The following HUWE1 variants were observed in gnomAD, a reference collection of about 807,000 sequenced individuals.
The protein encoded by HUWE1 is E3 ubiquitin-protein ligase HUWE1.
In HUWE1, 18 loss-of-function variants were observed where a neutral mutation model predicts 299.4. The ratio of observed to expected loss-of-function variants is 0.06; its 90% CI spans 0.04 to 0.09. The LOEUF (loss-of-function observed/expected upper bound fraction) is 0.09. Among genes scored for constraint, HUWE1 ranks in the 10% least tolerant of loss-of-function variants. HUWE1 has a pLI of 1.00. For missense variants in HUWE1, 1,832 were observed against 3,462.3 expected (o/e 0.53, Z 11.82); for synonymous variants, 1,317 against 1,286.1 (o/e 1.02, Z -0.51).
chrX:53,560,489 T>C, intron 55 of HUWE1, 73 bp from the exon 56 acceptor site: 1 of 933,180 alleles, frequency 1.1e-6, no homozygotes, highest in Non-Finnish European at 1.5e-6. Context: ...CAGAATCATG[T>C]CTCCTGGGCC....
At chrX:53,559,188 T>C (rs1450669189) in intron 57 of HUWE1, 128 bp from the exon 58 acceptor site, 2 of 748,309 alleles carry the variant, frequency 2.7e-6, no homozygotes, top group Non-Finnish European at 4.1e-6. Context: ...ACATAACAAG[T>C]ACCTAGAGAC....
chrX:53,599,384 AG>A (rs1556987985), intron 29 of HUWE1, among the ~76,000 whole-genome samples: 1 of 112,055 alleles, frequency 8.9e-6, no homozygotes, highest in Non-Finnish European at 1.9e-5. Flanking sequence ...GCTTTTACGA[AG>A]GGCCCCAGAT....
rs1033810306 is a variant in HUWE1, at chrX:53,548,607, T to C, written c.10036-334A>G. Among the ~76,000 whole-genome samples, 5 of 112,490 alleles carry C rather than the reference T, an allele frequency of 4.4e-5. No individual in the cohort carries two copies. The Admixed American group carries it at 4.7e-4, about 11-fold the overall frequency. On this transcript the variant is annotated intron_variant, in intron 67 of 83. Transcript: ENST00000262854. ...TGCCTGGCACAAGGCAGGCCTTTGATAGATGGCAGCAATGCTTATTATTGA... is the reference window on the plus strand; with the variant it reads ...TGCCTGGCACAAGGCAGGCCTTTGACAGATGGCAGCAATGCTTATTATTGA...
At chrX:53,544,948 A>C in intron 71 of HUWE1, 81 bp downstream of exon 71, 1 of 1,102,743 alleles carries the variant, frequency 9.1e-7, no homozygotes, top group Non-Finnish European at 1.3e-6. Context: ...AGAGAAATAA[A>C]AAAGACCAGG....
intron 56 of HUWE1, 49 bp downstream of exon 56, chrX:53,560,138 GA>G: frequency 9.5e-7 from 1 of 1,051,033 alleles, no homozygotes; most frequent in Admixed American, 2.6e-5. Flanking sequence ...AAAGCACAGT[GA>G]AAATTCTTAC....
chrX:53,612,754 T>G (rs781784490), intron 23 of HUWE1, among the ~76,000 whole-genome samples: 1 of 111,971 alleles, frequency 8.9e-6, no homozygotes, highest in African/African-American at 3.2e-5. Context: ...GAACTAGCCT[T>G]ACAGAAATCT....
intron 52 of HUWE1, 94 bp downstream of exon 52, chrX:53,563,652 A>G: frequency 2.1e-5 from 21 of 985,203 alleles, no homozygotes; most frequent in Non-Finnish European, 2.8e-5. Context: ...ATGAGCCCTT[A>G]GGCAGAGCTG....
rs782577934 is a variant in HUWE1 at position 53,654,115 on chromosome X, A to G, written c.-8T>C. ...AGTCCTGTCTACTTTCATGATTTCA[A>G]TTTTCAGCTTTACGATCTGAAAAAA... is the stretch of plus-strand genomic sequence containing the variant. On this transcript the variant is annotated 5_prime_UTR_variant, in exon 4 of 84. Coordinates refer to ENST00000262854, the MANE Select transcript of HUWE1 (RefSeq NM_031407.7). 3 of 1,164,057 alleles carry G rather than the reference A, an allele frequency of 2.6e-6. No individual in the cohort carries two copies. The Admixed American group carries it at 6.6e-5, about 26-fold the overall frequency.
chrX:53,624,865 G>C (rs1569497411), intron 18 of HUWE1, among the ~76,000 whole-genome samples, 190 bp from the exon 19 acceptor site: 1 of 111,558 alleles, frequency 9.0e-6, no homozygotes, highest in Non-Finnish European at 1.9e-5. Flanking sequence ...TCTAACACGG[G>C]TTAAAAAAAG....
chrX:53,590,850 T>C (rs782512343), intron 34 of HUWE1, 150 bp downstream of exon 34: 3 of 700,339 alleles, frequency 4.3e-6, no homozygotes, highest in Non-Finnish European at 6.4e-6. Flanking sequence ...AAAACTTCTG[T>C]TATTATGAAA....
chrX:53,635,047 A>G (rs1401859329), intron 7 of HUWE1, among the ~76,000 whole-genome samples: 3 of 111,031 alleles, frequency 2.7e-5, no homozygotes, highest in Non-Finnish European at 5.7e-5. Context: ...ATATGTATTT[A>G]TATATGTAAA....
chrX:53,554,735 T>C lies in HUWE1; in HGVS notation c.8392A>G (p.Thr2798Ala), dbSNP rs781986018. The change falls in exon 61 of 84, where the codon ACA (threonine) becomes GCA (alanine). Residue 2798 changes from threonine (T) to alanine (A), a missense_variant. By Grantham distance (58) the Thr-to-Ala change is moderately conservative (BLOSUM62 0). Transcript: ENST00000262854. ...QSPAGEGGSS[T>A]QLLMPVEPEE... Reference sequence around the variant, plus strand: ...GGCTCTACAGGCATCAATAGCTGTGTAGAGCTGCCCCCTTCTCCAGCTGGA... The same window carrying C: ...GGCTCTACAGGCATCAATAGCTGTGCAGAGCTGCCCCCTTCTCCAGCTGGA... The C allele has an allele frequency of 2.2e-5, 26 of 1,208,809 alleles. No homozygotes were observed. Among genetic ancestry groups the C allele is most frequent in the Middle Eastern group, 2.3e-4 (1 of 4,367 alleles).
intron 19 of HUWE1, 96 bp from the exon 20 acceptor site, chrX:53,617,542 T>C (rs1876765783): frequency 7.2e-6 from 4 of 552,615 alleles, no homozygotes; most frequent in Non-Finnish European, 1.3e-5. Context: ...ATACTCAATG[T>C]CTAGCAATTT....
intron 42 of HUWE1, among the ~76,000 whole-genome samples, chrX:53,581,764 A>C (rs1029909465): frequency 2.7e-5 from 3 of 111,611 alleles, no homozygotes; most frequent in Non-Finnish European, 3.8e-5. Flanking sequence ...TCCATTTAAT[A>C]AACACAGAAA....
intron 47 of HUWE1, among the ~76,000 whole-genome samples, chrX:53,571,654 A>T (rs2062833883): frequency 8.9e-6 from 1 of 112,124 alleles, no homozygotes; most frequent in African/African-American, 3.2e-5. Flanking sequence ...TATATTTTAA[A>T]AACTCAATAG....
chrX:53,568,449 A>G (rs1399839220), intron 49 of HUWE1, among the ~76,000 whole-genome samples: 3 of 111,720 alleles, frequency 2.7e-5, no homozygotes, highest in Non-Finnish European at 3.8e-5. Flanking sequence ...TAATCTTCTA[A>G]TAAGTGGTAA....
intron 75 of HUWE1, among the ~76,000 whole-genome samples, 179 bp from the exon 76 acceptor site, chrX:53,539,259 T>C (rs1262350220): frequency 2.9e-5 from 3 of 102,240 alleles, no homozygotes; most frequent in Admixed American, 1.1e-4. Flanking sequence ...GGTGGGAAAA[T>C]TGCTTGAGCC....
chrX:53,593,824 C>T (rs782015241), intron 31 of HUWE1, among the ~76,000 whole-genome samples: 30 of 112,184 alleles, frequency 2.7e-4, no homozygotes, highest in Non-Finnish European at 4.9e-4. Context: ...ACCAGCTGGG[C>T]GCGGTGGCTC....
At chrX:53,637,687 C>T (rs931351918) in intron 7 of HUWE1, among the ~76,000 whole-genome samples, 5 of 112,104 alleles carry the variant, frequency 4.5e-5, no homozygotes, top group African/African-American at 6.5e-5. Flanking sequence ...ACGTGACTCA[C>T]GAAAGTCTGT....
Sources: allele counts gnomAD v4.1 joint callset (sites outside exome capture counted in the v4.1 genomes callset), GRCh38; gene constraint gnomAD v4.1.1; transcripts MANE v1.5; gene names NCBI Gene and HGNC (gene_info 2026-07-23, HGNC 2026-07-21).